Variants in PCSK9 observed in about 807,000 individuals in gnomAD.
PCSK9 encodes the protein proprotein convertase subtilisin/kexin type 9, also known as convertase subtilisin/kexin type 9 preproprotein.
Under a neutral mutation model 62.1 loss-of-function variants are expected in PCSK9, and 57 were observed. The ratio of observed to expected loss-of-function variants is 0.92; its 90% CI spans 0.74 to 1.14. The LOEUF (loss-of-function observed/expected upper bound fraction) is 1.14, where lower values mean the gene tolerates loss of function less well. PCSK9 is among the 50% of genes most tolerant of loss of function. The pLI is 0.00. For synonymous variants in PCSK9, 387 were observed against 409.4 expected (o/e 0.95, Z 0.66); for missense variants, 870 against 959.8 (o/e 0.91, Z 1.24).
chr1:55,056,216 G>A lies in PCSK9; in HGVS notation c.996+27G>A, dbSNP rs28362252. ...TAGGTGCTGGGGCTGCTGCCCCAAG[G>A]CGCGGGTAGGGGGCGGAGGGCGGAG... On this transcript the variant is annotated intron_variant, in intron 6 of 11. Transcript: ENST00000302118. The A allele has an allele frequency of 6.5e-3, 3,550 of 545,846 alleles. 70 individuals are homozygous for A. The African/African-American group carries it at 0.11, about 17-fold the overall frequency. 33.8% of individuals were successfully genotyped at this position (545,846 alleles called of 1,614,324 possible).
At chr1:55,050,666 C>T (rs751829736) in intron 3 of PCSK9, among the ~76,000 whole-genome samples, 5 of 151,554 alleles carry the variant, frequency 3.3e-5, no homozygotes, top group African/African-American at 4.8e-5. Context: ...ACTCACAGTT[C>T]GGACTGTGCC....
chr1:55,059,128 A>G (rs1160761064), intron 9 of PCSK9, among the ~76,000 whole-genome samples: 1 of 152,234 alleles, frequency 6.6e-6, no homozygotes, highest in Non-Finnish European at 1.5e-5. Context: ...GTGCCCAGCT[A>G]GGAGAGTGAG....
intron 3 of PCSK9, among the ~76,000 whole-genome samples, chr1:55,048,968 G>C (rs1644654699): frequency 6.6e-6 from 1 of 152,220 alleles, no homozygotes; most frequent in South Asian, 2.1e-4. Context: ...TTAGGTGCTG[G>C]GGATACAAAT....
In PCSK9 at chr1:55,040,592, G is replaced by A. The variant is rs1644591911; in HGVS notation, c.207+548G>A. Among the ~76,000 whole-genome samples the A allele has an allele frequency of 6.6e-6, 1 of 152,194 alleles. No individual in the cohort carries two copies. The highest frequency in any genetic ancestry group is 2.4e-5 in the African/African-American group (1 of 41,452). On this transcript the variant is annotated intron_variant, in intron 1 of 11. Coordinates refer to ENST00000302118, the MANE Select transcript of PCSK9 (RefSeq NM_174936.4). This position sits in a 1 kb window ranked among gnomAD's most constrained non-coding sequence, Gnocchi z 4.1. ...AGGACGGCAGATGCTGGGAGCACGA[G>A]GCAATTTCTTTATGACACAGAACTC... is the stretch of plus-strand genomic sequence containing the variant.
intron 3 of PCSK9, chr1:55,051,769 C>T: frequency 4.1e-6 from 1 of 241,636 alleles, no homozygotes. Context: ...ACGCTTGGAC[C>T]TGGAGCCAGG....
At chr1:55,057,636 G>C in intron 7 of PCSK9, 122 bp downstream of exon 7, 1 of 1,219,610 alleles carries the variant, frequency 8.2e-7, no homozygotes, top group Non-Finnish European at 1.2e-6. Context: ...AAGTAGGCCT[G>C]ATGGTGCCTT....
Position 55,059,527 on chromosome 1 carries a change from TG to T in PCSK9, c.1550del (p.Gly517ValfsTer63). The T allele has an allele frequency of 6.4e-7, 1 of 1,565,168 alleles. No individual in the cohort carries two copies. Among genetic ancestry groups the T allele is most frequent in the Non-Finnish European group, 8.7e-7 (1 of 1,153,760 alleles). The stretch of plus-strand genomic sequence containing the variant: ...TGGTCTGCCGGGCCCACAACGCTTT[TG>T]GGGGTGAGGGTGTCTACGCCATTGC... ...KLVCRAHNAF[G>X]GEGVYAIARC... On this transcript the variant is annotated frameshift_variant, in exon 10 of 12. Transcript: ENST00000302118. LOFTEE classifies it high-confidence loss of function.
Position 55,061,421 on chromosome 1 carries a change from G to A in PCSK9, c.1728G>A (p.Pro576=), listed in dbSNP as rs755272637. 2.2e-5 allele frequency: 36 copies of A among 1,610,600 alleles called. 1 individual carries two copies. The South Asian group carries it at 2.3e-4, about 10-fold the overall frequency. Residue 576 remains proline (P), a synonymous_variant, in exon 11 of 12, where the codon CCG becomes CCA. Coordinates refer to ENST00000302118, the MANE Select transcript of PCSK9 (RefSeq NM_174936.4). ...TGGAGGACCTTGGCACCCACAAGCC[G>A]CCTGTGCTGAGGCCACGAGGTCAGC... is the stretch of plus-strand genomic sequence containing the variant. The part of the protein sequence containing the change: ...WEVEDLGTHK[P]PVLRPRGQPN...
In PCSK9 at chr1:55,040,158, G is replaced by C; in HGVS notation, c.207+114G>C. On this transcript the variant is annotated intron_variant, in intron 1 of 11. Coordinates refer to ENST00000302118, the MANE Select transcript of PCSK9 (RefSeq NM_174936.4). This position sits in a 1 kb window ranked among gnomAD's most constrained non-coding sequence, Gnocchi z 4.1. The stretch of plus-strand genomic sequence containing the variant: ...TAAGAGAGGAAGTGGAGTGCAGGTC[G>C]CCGAGGGCTCTTCGCTTGGCACGAT... The C allele has an allele frequency of 7.4e-7, 1 of 1,358,012 alleles. No homozygotes were observed. Among genetic ancestry groups the C allele is most frequent in the Non-Finnish European group, 1.0e-6 (1 of 996,272 alleles). The allele number at this position is 1,358,012 out of a possible 1,614,324, so 84.1% of individuals were successfully genotyped here.
At chr1:55,041,459 T>C (rs1230033565) in intron 1 of PCSK9, among the ~76,000 whole-genome samples, 1 of 152,144 alleles carries the variant, frequency 6.6e-6, no homozygotes, top group East Asian at 1.9e-4. Flanking sequence ...CTGGAAATAG[T>C]GAGTACCCCA....
chr1:55,057,279 C>T (rs1423597863), intron 6 of PCSK9, 52 bp from the exon 7 acceptor site: 1 of 1,576,714 alleles, frequency 6.3e-7, no homozygotes, highest in African/African-American at 1.3e-5. Flanking sequence ...TCTGCCTCTG[C>T]AACCCCTCTC....
At chr1:55,055,515 A>T (rs138424279) in intron 5 of PCSK9, among the ~76,000 whole-genome samples, 132 of 152,292 alleles carry the variant, frequency 8.7e-4, no homozygotes, top group African/African-American at 2.8e-3. Flanking sequence ...GTAATTGCTA[A>T]TATCTTCCAG....
At position 55,058,637 on chromosome 1, in the gene PCSK9, A is replaced by G. The variant is rs1570307758; in HGVS notation, c.1493A>G (p.Glu498Gly). 6.2e-7 allele frequency: 1 copy of G among 1,608,888 alleles called. No homozygotes were observed. Among genetic ancestry groups the G allele is most frequent in the Non-Finnish European group, 8.5e-7 (1 of 1,179,146 alleles). Reference protein sequence around the residue: ...SFSRSGKRRGERMEAQGGKLV... With the variant: ...SFSRSGKRRGGRMEAQGGKLV... ...TCCAGGAGTGGGAAGCGGCGGGGCG[A>G]GCGCATGGAGGTGACTGTACCCCTC... Residue 498 changes from glutamate (E) to glycine (G), a missense_variant, in exon 9 of 12, where the codon GAG (glutamate) becomes GGG (glycine). Physicochemically the swap from Glu to Gly is moderately conservative, Grantham distance 98 (BLOSUM62 -2). Coordinates refer to ENST00000302118, the MANE Select transcript of PCSK9 (RefSeq NM_174936.4).
At chr1:55,054,111 CG>C (rs1330358468) in intron 5 of PCSK9, among the ~76,000 whole-genome samples, 4 of 152,160 alleles carry the variant, frequency 2.6e-5, no homozygotes, top group Non-Finnish European at 5.9e-5. Context: ...AGGCTGGGCG[CG>C]GTGGCTCATG....
chr1:55,040,794 C>A lies in PCSK9; in HGVS notation c.207+750C>A, dbSNP rs530722625. 2.6e-5 allele frequency among the ~76,000 whole-genome samples: 4 copies of A among 152,334 alleles called. No individual in the cohort carries two copies. Among genetic ancestry groups the A allele is most frequent in the African/African-American group, 9.6e-5 (4 of 41,582 alleles). ...CTGGTACTGGGACCCCGGAGCTGAG[C>A]CCGGCGCCTCAGCCCACCTGGCTGT... On this transcript the variant is annotated intron_variant, in intron 1 of 11. Transcript: ENST00000302118. This position sits in a 1 kb window ranked among gnomAD's most constrained non-coding sequence, Gnocchi z 4.1.
At chr1:55,042,654 C>T (rs1644605972) in intron 1 of PCSK9, among the ~76,000 whole-genome samples, 1 of 152,152 alleles carries the variant, frequency 6.6e-6, no homozygotes, top group African/African-American at 2.4e-5. Context: ...GGAGTTTGGA[C>T]TTGATTCATG....
intron 2 of PCSK9, among the ~76,000 whole-genome samples, chr1:55,045,478 G>T (rs1007670008): frequency 6.6e-6 from 1 of 152,180 alleles, no homozygotes; most frequent in East Asian, 1.9e-4. Context: ...GTGGGGGCAG[G>T]TTAAGAAGCC....
chr1:55,041,787 T>C (rs563891220), intron 1 of PCSK9, among the ~76,000 whole-genome samples: 2 of 152,288 alleles, frequency 1.3e-5, no homozygotes, highest in Admixed American at 1.3e-4. Flanking sequence ...TCAATTTTTA[T>C]TTAGCGGAAG....
rs1557497443 is a variant in PCSK9 at position 55,039,905 on chromosome 1, T to G, written c.68T>G (p.Leu23Arg). ...CTGCTGCTGCTGCTGCTGCTGCTCC[T>G]GGGTCCCGCGGGCGCCCGTGCGCAG... The part of the protein sequence containing the change: ...LPLLLLLLLL[L>R]GPAGARAQED... Residue 23 changes from leucine to arginine, a missense_variant, in exon 1 of 12, where the codon CTG becomes CGG. By Grantham distance (102) the Leu-to-Arg change is moderately radical (BLOSUM62 -2). Transcript: ENST00000302118. The G allele has an allele frequency of 6.4e-7, 1 of 1,566,678 alleles. No individual in the cohort carries two copies. Among genetic ancestry groups the G allele is most frequent in the African/African-American group, 1.3e-5 (1 of 74,138 alleles).
Sources: allele counts gnomAD v4.1 joint callset (sites outside exome capture counted in the v4.1 genomes callset), GRCh38; gene constraint gnomAD v4.1.1; non-coding constraint Gnocchi (gnomAD v3.1); transcripts MANE v1.5; gene names NCBI Gene and HGNC (gene_info 2026-07-23, HGNC 2026-07-21).